The following GDPD2 variants were observed in gnomAD, a reference collection of about 807,000 sequenced individuals.
The protein encoded by GDPD2 is glycerophosphodiester phosphodiesterase 3.
GDPD2 carries 23 observed loss-of-function variants against 49.2 expected under a neutral mutation model. That is an observed-to-expected ratio of 0.47 (90% CI 0.34 to 0.66). GDPD2 has a LOEUF of 0.66. GDPD2 is among the 30% of genes least tolerant of loss of function. GDPD2 has a pLI of 0.01. For synonymous variants in GDPD2, 167 were observed against 171.4 expected, an observed-to-expected ratio of 0.97 and a Z score of 0.20; for missense variants, 338 against 424.7, an observed-to-expected ratio of 0.80 and a Z score of 1.79.
rs764635100 is a variant in GDPD2 at position 70,427,145 on chromosome X, C to T, written c.711C>T (p.Pro237=). 52 of 1,204,700 alleles carry T rather than the reference C, an allele frequency of 4.3e-5. No individual in the cohort carries two copies. The highest frequency in any genetic ancestry group is 2.3e-4 in the Middle Eastern group (1 of 4,335). ...CCTATTCCCTTTCCCAGCTGGCTCCCGAGAACACCCTGATGTCCTTGCGGA... is the reference window on the plus strand; with the variant it reads ...CCTATTCCCTTTCCCAGCTGGCTCCTGAGAACACCCTGATGTCCTTGCGGA... ...VGHRGAPMLA[P]ENTLMSLRKT... is the part of the protein sequence containing the mutation. Residue 237 remains proline, a synonymous_variant, in exon 9 of 16, where the codon CCC becomes CCT. Coordinates refer to ENST00000374382, the MANE Select transcript of GDPD2 (RefSeq NM_017711.4).
chrX:70,432,153 G>A (rs955588987), intron 12 of GDPD2, among the ~76,000 whole-genome samples, 154 bp from the exon 13 acceptor site: 9 of 111,962 alleles, frequency 8.0e-5, no homozygotes, highest in Non-Finnish European at 1.7e-4. Context: ...GCTATGAAAG[G>A]AAAATCATTG....
chrX:70,426,294 TC>T (rs1406350670), intron 5 of GDPD2, 76 bp from the exon 6 acceptor site: 2 of 909,650 alleles, frequency 2.2e-6, no homozygotes, highest in Non-Finnish European at 3.1e-6. Flanking sequence ...GGGTCCCATC[TC>T]TATAGAGTGA....
At chrX:70,425,150 T>C in intron 2 of GDPD2, 61 bp downstream of exon 2, 1 of 838,039 alleles carries the variant, frequency 1.2e-6, no homozygotes, top group Non-Finnish European at 1.7e-6. Flanking sequence ...CTGGAGGGGA[T>C]AAGGAGGCCA....
rs758208959 is a variant in GDPD2 at position 70,427,387 on chromosome X, C to A, written c.860C>A (p.Thr287Asn). 8.3e-7 allele frequency: 1 copy of A among 1,207,175 alleles called. No individual in the cohort carries two copies. The highest frequency in any genetic ancestry group is 1.8e-5 in the South Asian group (1 of 56,831). The change falls in exon 10 of 16, where the codon ACC becomes AAC. Residue 287 changes from threonine to asparagine, a missense_variant. Around this residue, in one of 3 missense-constraint regions of GDPD2, gnomAD observed 253 missense variants for 330.4 expected, o/e 0.77. Coordinates refer to ENST00000374382, the MANE Select transcript of GDPD2 (RefSeq NM_017711.4). ...RTTNVASVFPTRITAHSSDFS... is the reference protein window; with the variant it reads ...RTTNVASVFPNRITAHSSDFS... ...ACGAATGTAGCCTCTGTATTCCCAA[C>A]CCGAATCACAGCCCACAGCAGTGAC... is the stretch of plus-strand genomic sequence containing the variant.
intron 1 of GDPD2, among the ~76,000 whole-genome samples, chrX:70,424,305 A>G (rs1301031668): frequency 9.0e-6 from 1 of 111,500 alleles, no homozygotes; most frequent in Non-Finnish European, 1.9e-5. Context: ...ATTCCTTTAG[A>G]AGACTGGGAG....
chrX:70,426,905 TCC>T lies in GDPD2; in HGVS notation c.597_598del (p.Leu200GlyfsTer49). ...CTACTGCTCCTATTTTTTGGAGTTGTCCTGGTCATCTACTTGGCCCCCCTATG... is the reference window on the plus strand; with the variant it reads ...CTACTGCTCCTATTTTTTGGAGTTGTTGGTCATCTACTTGGCCCCCCTATG... On this transcript the variant is annotated frameshift_variant, in exon 8 of 16. Transcript: ENST00000374382. LOFTEE classifies it high-confidence loss of function. 1 of 1,208,833 alleles carries T rather than the reference TCC, an allele frequency of 8.3e-7. No homozygotes were observed. The highest frequency in any genetic ancestry group is 1.1e-6 in the Non-Finnish European group (1 of 892,833).
Position 70,427,022 on chromosome X carries a change from G to A in GDPD2, c.702+11G>A. The A allele has an allele frequency of 9.2e-7, 1 of 1,087,930 alleles. No individual in the cohort carries two copies. Among genetic ancestry groups the A allele is most frequent in the Non-Finnish European group, 1.3e-6 (1 of 789,368 alleles). The allele number at this position is 1,087,930 out of a possible 1,213,427, so 89.7% of individuals were successfully genotyped here. ...CGAGGGGCCCCCATGGTGAGTGTTG[G>A]ACAGAATGCTGGGAGGGTGGGGAGG... On this transcript the variant is annotated intron_variant, in intron 8 of 15. Coordinates refer to ENST00000374382, the MANE Select transcript of GDPD2 (RefSeq NM_017711.4).
Position 70,427,173 on chromosome X carries a change from A to T in GDPD2, c.739A>T (p.Thr247Ser). ...PENTLMSLRKTAECGATVFET... is the reference protein window; with the variant it reads ...PENTLMSLRKSAECGATVFET... ...GAACACCCTGATGTCCTTGCGGAAG[A>T]CAGCTGAATGCGGAGCTACTGTGTT... The change falls in exon 9 of 16, where the codon ACA (threonine) becomes TCA (serine). Residue 247 changes from threonine to serine, a missense_variant. Thr to Ser is a moderately conservative substitution (Grantham distance 58). Coordinates refer to ENST00000374382, the MANE Select transcript of GDPD2 (RefSeq NM_017711.4). The T allele has an allele frequency of 8.3e-7, 1 of 1,207,642 alleles. No homozygotes were observed. Among genetic ancestry groups the T allele is most frequent in the Non-Finnish European group, 1.1e-6 (1 of 892,071 alleles).
At position 70,425,869 on chromosome X, in the gene GDPD2, G is replaced by C. The variant is rs936273821; in HGVS notation, c.303+13G>C. The C allele has an allele frequency of 1.9e-6, 2 of 1,053,453 alleles. No homozygotes were observed. Among genetic ancestry groups the C allele is most frequent in the African/African-American group, 3.7e-5 (2 of 54,280 alleles). The allele number at this position is 1,053,453 out of a possible 1,213,427, so 86.8% of individuals were successfully genotyped here. A position where few individuals can be genotyped will look rare whatever the true frequency, so the allele number is the denominator to read the frequency against. On this transcript the variant is annotated intron_variant, in intron 4 of 15. Transcript: ENST00000374382. The stretch of plus-strand genomic sequence containing the variant: ...ATCCTTGCTATTGGTGGGTCCGGAG[G>C]CCGCTGGCCTAACCCCACCTCAGCC...
At position 70,431,143 on chromosome X, in the gene GDPD2, C is replaced by T. The variant is rs1190534672; in HGVS notation, c.1307+1080C>T. On this transcript the variant is annotated intron_variant, in intron 12 of 15. Transcript: ENST00000374382. ...CCTAGCTATGTAAGTATTTATTTCC[C>T]CGAGTTATCACCAAAGAGGAAGACA... 3 of 1,127,297 alleles carry T rather than the reference C, an allele frequency of 2.7e-6. No individual in the cohort carries two copies. In the South Asian group the frequency reaches 5.8e-5, roughly 22 times the overall value. 92.9% of individuals were successfully genotyped at this position (1,127,297 alleles called of 1,213,427 possible). A position where few individuals can be genotyped will look rare whatever the true frequency, so the allele number is the denominator to read the frequency against.
In GDPD2 at chrX:70,424,995, C is replaced by A; in HGVS notation, c.11C>A (p.Ser4Tyr). Residue 4 changes from serine (S) to tyrosine (Y), a missense_variant, in exon 2 of 16, where the codon TCC becomes TAC. By Grantham distance (144) the Ser-to-Tyr change is moderately radical (BLOSUM62 -2). Coordinates refer to ENST00000374382, the MANE Select transcript of GDPD2 (RefSeq NM_017711.4). Reference sequence around the variant, plus strand: ...CCCCAGGCCTTCACCATGGCCGAGTCCCCCGGCTGCTGCTCCGTCTGGGCC... The same window carrying A: ...CCCCAGGCCTTCACCATGGCCGAGTACCCCGGCTGCTGCTCCGTCTGGGCC... Reference protein sequence around the residue: MAESPGCCSVWARC... With the variant: MAEYPGCCSVWARC... 3 of 1,191,440 alleles carry A rather than the reference C, an allele frequency of 2.5e-6. No individual in the cohort carries two copies. The highest frequency in any genetic ancestry group is 1.1e-6 in the Non-Finnish European group (1 of 883,654).
At chrX:70,424,206 C>T (rs762240811) in intron 1 of GDPD2, among the ~76,000 whole-genome samples, 5 of 110,777 alleles carry the variant, frequency 4.5e-5, no homozygotes, top group Non-Finnish European at 9.4e-5. Context: ...CTCCTAAAGG[C>T]GAGTCTGGGC....
chrX:70,425,115 C>T, intron 2 of GDPD2, 26 bp downstream of exon 2: 1 of 1,073,145 alleles, frequency 9.3e-7, no homozygotes. Context: ...AGGGGGGAGG[C>T]TGGAAGTCAG....
At chrX:70,425,665 T>C in intron 3 of GDPD2, 98 bp from the exon 4 acceptor site, 1 of 582,730 alleles carries the variant, frequency 1.7e-6, no homozygotes, top group African/African-American at 2.3e-5. Context: ...TTCTCCTCAC[T>C]CCCTTCTAGT....
chrX:70,430,620 G>A (rs1406796821), intron 12 of GDPD2, among the ~76,000 whole-genome samples: 1 of 111,285 alleles, frequency 9.0e-6, no homozygotes, highest in Admixed American at 9.6e-5. Flanking sequence ...GTAAGAGAGC[G>A]TGAATCAGGG....
Position 70,429,659 on chromosome X carries a change from C to T in GDPD2, c.1103C>T (p.Thr368Ile). The change falls in exon 11 of 16, where the codon ACT becomes ATT. Residue 368 changes from threonine (T) to isoleucine (I), a missense_variant. Around this residue, in one of 3 missense-constraint regions of GDPD2, gnomAD observed 253 missense variants for 330.4 expected, o/e 0.77. Transcript: ENST00000374382. ...CCACAGAACCACACATACTATGACA[C>T]TTTTGTGATCCAGACATTGGAGACT... ...RPPQNHTYYD[T>I]FVIQTLETVL... The T allele has an allele frequency of 1.7e-6, 2 of 1,210,542 alleles. No homozygotes were observed. The highest frequency in any genetic ancestry group is 2.2e-6 in the Non-Finnish European group (2 of 894,680).
At chrX:70,425,656 T>A in intron 3 of GDPD2, 107 bp from the exon 4 acceptor site, 3 of 573,863 alleles carry the variant, frequency 5.2e-6, no homozygotes, top group Non-Finnish European at 9.3e-6. Flanking sequence ...CGAGGGGCTT[T>A]CTCCTCACTC....
At chrX:70,431,141 C>T in intron 12 of GDPD2, 2 of 1,129,924 alleles carry the variant, frequency 1.8e-6, no homozygotes, top group South Asian at 1.9e-5. Context: ...GTATTTATTT[C>T]CCCGAGTTAT....
chrX:70,424,016 T>C (rs372641859), intron 1 of GDPD2, among the ~76,000 whole-genome samples: 4 of 111,237 alleles, frequency 3.6e-5, no homozygotes, highest in African/African-American at 1.3e-4. Flanking sequence ...CTGACACAAA[T>C]CACATACCGT....
Sources: gnomAD v4.1 joint callset for allele counts (sites outside exome capture counted in the v4.1 genomes callset) on GRCh38, gnomAD v4.1.1 for gene constraint, gnomAD v4.1.1 regional missense constraint, MANE v1.5 for transcripts, NCBI Gene and HGNC (gene_info 2026-07-23, HGNC 2026-07-21) for gene names.